The following CDH12 variants were observed in gnomAD, a reference collection of about 807,000 sequenced individuals.
CDH12 encodes cadherin 12.
Under a neutral mutation model 74.1 loss-of-function variants are expected in CDH12, and 41 were observed. The ratio of observed to expected loss-of-function variants is 0.55; its 90% confidence interval spans 0.43 to 0.72. The LOEUF is 0.72. Among genes scored for constraint, CDH12 ranks in the 30% least tolerant of loss-of-function variants. The pLI is 0.00. For synonymous variants in CDH12, 399 were observed against 355.0 expected, an observed-to-expected ratio of 1.12 and a Z score of -1.39; for missense variants, 945 against 977.2, an observed-to-expected ratio of 0.97 and a Z score of 0.44.
In CDH12 at chr5:22,522,701, T is replaced by C. The variant is rs940066854; in HGVS notation, c.-522-17337A>G. ...CTCTTTTATTATTTTCTCCAAAATA[T>C]TATAATCTCTCATCTACTTCACTAA... is the stretch of plus-strand genomic sequence containing the variant. On this transcript the variant is annotated intron_variant, in intron 1 of 14. Transcript: ENST00000382254. Among the ~76,000 whole-genome samples the C allele has an allele frequency of 1.4e-4, 21 of 152,164 alleles. 1 individual carries two copies. Among genetic ancestry groups the C allele is most frequent in the Non-Finnish European group, 1.5e-5 (1 of 68,032 alleles).
chr5:21,854,605 A>G (rs894965918), intron 7 of CDH12, 66 bp downstream of exon 7: 23 of 1,379,046 alleles, frequency 1.7e-5, no homozygotes, highest in Non-Finnish European at 2.1e-5. Flanking sequence ...TCCCCATGCC[A>G]AGATTTAATT....
chr5:22,601,842 C>T (rs1580806757), intron 1 of CDH12, among the ~76,000 whole-genome samples: 3 of 151,900 alleles, frequency 2.0e-5, no homozygotes, highest in Admixed American at 2.0e-4. Context: ...TCATTTTCAC[C>T]TTTGAAAGGA....
chr5:22,224,837 A>G (rs1752139824), intron 3 of CDH12, among the ~76,000 whole-genome samples: 1 of 151,912 alleles, frequency 6.6e-6, no homozygotes, highest in African/African-American at 2.4e-5. Context: ...AATTATTATA[A>G]CAAACTTAAA....
intron 6 of CDH12, chr5:21,884,043 G>T (rs1752501786): frequency 1.4e-6 from 2 of 1,441,992 alleles, no homozygotes; most frequent in African/African-American, 1.4e-5. Flanking sequence ...GAATGCAGGT[G>T]TTGAAGGATC....
chr5:22,842,533 A>T (rs1195917473), intron 1 of CDH12, among the ~76,000 whole-genome samples: 2 of 152,104 alleles, frequency 1.3e-5, no homozygotes, highest in African/African-American at 4.8e-5. Context: ...ATAATGTGGA[A>T]TGGGGTAATA....
chr5:22,350,818 T>C (rs966743435), intron 3 of CDH12, among the ~76,000 whole-genome samples: 1 of 152,182 alleles, frequency 6.6e-6, no homozygotes. Context: ...TTTATTATTA[T>C]CGAATAAGCA....
chr5:22,487,221 C>T (rs894839366), intron 2 of CDH12, among the ~76,000 whole-genome samples: 33 of 151,598 alleles, frequency 2.2e-4, no homozygotes, highest in Admixed American at 1.4e-3. Flanking sequence ...AAGCTGATTT[C>T]GAACTCCTGA....
At chr5:22,580,395 G>C (rs1286477521) in intron 1 of CDH12, 3 of 490,102 alleles carry the variant, frequency 6.1e-6, no homozygotes, top group Non-Finnish European at 1.3e-5. Flanking sequence ...CCCATCGTAG[G>C]GTGGGTAGGG....
chr5:21,767,910 CTTTAA>C (rs1271686764), intron 11 of CDH12, among the ~76,000 whole-genome samples: 1 of 151,546 alleles, frequency 6.6e-6, no homozygotes, highest in Non-Finnish European at 1.5e-5. Context: ...ATACAGCATA[CTTTAA>C]TTTATATAGA....
At chr5:22,822,815 G>A (rs1006898006) in intron 1 of CDH12, among the ~76,000 whole-genome samples, 3 of 152,176 alleles carry the variant, frequency 2.0e-5, no homozygotes, top group African/African-American at 7.2e-5. Flanking sequence ...CATTGTGGAA[G>A]TCAGTGTCGC....
chr5:22,462,668 T>G (rs1051539955), intron 2 of CDH12, among the ~76,000 whole-genome samples: 1 of 152,124 alleles, frequency 6.6e-6, no homozygotes, highest in South Asian at 2.1e-4. Flanking sequence ...CCTTGAGCCC[T>G]GACAGAATTA....
At chr5:22,448,759 G>C (rs781644294) in intron 2 of CDH12, among the ~76,000 whole-genome samples, 5 of 151,870 alleles carry the variant, frequency 3.3e-5, no homozygotes, top group Non-Finnish European at 7.4e-5. Flanking sequence ...GATACAAAGA[G>C]TATATATTTC....
intron 1 of CDH12, among the ~76,000 whole-genome samples, chr5:22,685,985 C>T (rs558498502): frequency 3.9e-5 from 6 of 152,128 alleles, no homozygotes; most frequent in Non-Finnish European, 5.9e-5. Context: ...CTTTCCAAAG[C>T]GGCAAGGTTA....
At chr5:22,458,916 T>G (rs1320720055) in intron 2 of CDH12, among the ~76,000 whole-genome samples, 7 of 152,182 alleles carry the variant, frequency 4.6e-5, no homozygotes, top group Non-Finnish European at 7.4e-5. Flanking sequence ...TTTTTTCTTT[T>G]TTTTTGGCCT....
intron 1 of CDH12, among the ~76,000 whole-genome samples, chr5:22,690,632 A>G (rs977689673): frequency 1.3e-5 from 2 of 152,166 alleles, no homozygotes; most frequent in Admixed American, 6.5e-5. Context: ...GCTGAAAAAT[A>G]CAATGATAGA....
At chr5:22,610,118 T>C (rs901548379) in intron 1 of CDH12, among the ~76,000 whole-genome samples, 2 of 152,222 alleles carry the variant, frequency 1.3e-5, no homozygotes, top group Admixed American at 1.3e-4. Context: ...TCCAAACCTG[T>C]TTTGTTCAAT....
At chr5:22,413,776 C>T (rs934779128) in intron 2 of CDH12, among the ~76,000 whole-genome samples, 5 of 151,880 alleles carry the variant, frequency 3.3e-5, no homozygotes, top group Non-Finnish European at 7.4e-5. Context: ...ATTTTATTTA[C>T]TTTTTTTCCC....
chr5:22,802,607 C>T (rs1487241941), intron 1 of CDH12, among the ~76,000 whole-genome samples: 1 of 151,980 alleles, frequency 6.6e-6, no homozygotes, highest in Non-Finnish European at 1.5e-5. Context: ...TGCGGAAATT[C>T]CTATTTGCCA....
intron 6 of CDH12, among the ~76,000 whole-genome samples, chr5:21,927,207 G>A (rs893437189): frequency 1.3e-5 from 2 of 152,124 alleles, no homozygotes; most frequent in Non-Finnish European, 2.9e-5. Flanking sequence ...GCAAGAGAGT[G>A]AAATAACAAT....
Sources: allele counts gnomAD v4.1 joint callset (sites outside exome capture counted in the v4.1 genomes callset), GRCh38; gene constraint gnomAD v4.1.1; transcripts MANE v1.5; gene names NCBI Gene and HGNC (gene_info 2026-07-23, HGNC 2026-07-21).